The following KCNC2 variants were observed in gnomAD, a reference collection of about 807,000 sequenced individuals.
KCNC2 encodes potassium voltage-gated channel subfamily C member 2.
In KCNC2, 21 loss-of-function variants were observed where a neutral mutation model predicts 44.5. That is an observed-to-expected ratio of 0.47 (90% confidence interval 0.33 to 0.68). The LOEUF (loss-of-function observed/expected upper bound fraction) is 0.68. KCNC2 is among the 30% of genes least tolerant of loss of function. KCNC2 has a pLI of 0.01. For missense variants in KCNC2, 589 were observed against 826.2 expected (o/e 0.71, Z 3.52); for synonymous variants, 391 against 339.1 (o/e 1.15, Z -1.68).
chr12:75,053,740 C>T (rs1881437096), intron 2 of KCNC2, among the ~76,000 whole-genome samples: 1 of 146,400 alleles, frequency 6.8e-6, no homozygotes, highest in Non-Finnish European at 1.5e-5. Context: ...TAATATTTTG[C>T]TATAATATAT....
At chr12:75,062,173 G>A (rs954248209) in intron 2 of KCNC2, among the ~76,000 whole-genome samples, 2 of 152,066 alleles carry the variant, frequency 1.3e-5, no homozygotes, top group Non-Finnish European at 2.9e-5. Context: ...GAAGCTTAGA[G>A]ACTGGAGTCA....
chr12:75,050,907 T>C lies in KCNC2; in HGVS notation c.1098A>G (p.Val366=). 1 of 1,613,654 alleles carries C rather than the reference T, an allele frequency of 6.2e-7. No individual in the cohort carries two copies. Among genetic ancestry groups the C allele is most frequent in the Non-Finnish European group, 8.5e-7 (1 of 1,179,866 alleles). The change falls in exon 3 of 5, where the codon GTA becomes GTG. Residue 366 remains valine, a synonymous_variant. Coordinates refer to ENST00000549446, the MANE Select transcript of KCNC2 (RefSeq NM_139137.4). The part of the protein sequence containing the change: ...LRIFKLTRHF[V]GLRVLGHTLR... ...GAGTATGTCCAAGCACCCTCAGACC[T>C]ACAAAATGGCGGGTGAGCTTGAAAA...
chr12:75,080,856 C>T (rs1468519032), intron 2 of KCNC2, among the ~76,000 whole-genome samples: 3 of 151,870 alleles, frequency 2.0e-5, no homozygotes, highest in African/African-American at 2.4e-5. Flanking sequence ...GATAGTCATT[C>T]GAGTTTTTAT....
At chr12:75,086,939 T>A (rs1885081156) in intron 2 of KCNC2, among the ~76,000 whole-genome samples, 1 of 151,984 alleles carries the variant, frequency 6.6e-6, no homozygotes, top group Non-Finnish European at 1.5e-5. Flanking sequence ...TTGACTCACT[T>A]CATTTTATTC....
intron 2 of KCNC2, among the ~76,000 whole-genome samples, chr12:75,189,940 C>A (rs1430693993): frequency 3.3e-5 from 5 of 152,092 alleles, no homozygotes; most frequent in Non-Finnish European, 7.4e-5. Context: ...CACCTCTCGC[C>A]AATACAAAAA....
chr12:75,070,333 C>T (rs573019504), intron 2 of KCNC2, among the ~76,000 whole-genome samples: 1 of 151,102 alleles, frequency 6.6e-6, no homozygotes, highest in Non-Finnish European at 1.5e-5. Flanking sequence ...TGTCTGTAAT[C>T]CCAGCTACTG....
intron 2 of KCNC2, among the ~76,000 whole-genome samples, chr12:75,115,012 C>T (rs996038535): frequency 1.2e-4 from 18 of 151,786 alleles, no homozygotes; most frequent in Non-Finnish European, 1.9e-4. Context: ...TACAGGCGCC[C>T]GCCACCACGC....
At chr12:75,058,143 T>C (rs1049439819) in intron 2 of KCNC2, among the ~76,000 whole-genome samples, 10 of 152,162 alleles carry the variant, frequency 6.6e-5, no homozygotes, top group African/African-American at 2.4e-4. Flanking sequence ...AGTATCATGA[T>C]GAAATTTAAA....
rs538490109 is a variant in KCNC2 at position 75,093,053 on chromosome 12, C to T, written c.688-41736G>A. Among the ~76,000 whole-genome samples the T allele has an allele frequency of 2.7e-5, 4 of 146,234 alleles. No homozygotes were observed. In the East Asian group the frequency reaches 8.0e-4, roughly 29 times the overall value. ...TAATCGTTCGAGTAGCTATCTGTTT[C>T]TTCTATATCTAAAACCTTCCAAGGA... On this transcript the variant is annotated intron_variant, in intron 2 of 4. Transcript: ENST00000549446.
intron 2 of KCNC2, among the ~76,000 whole-genome samples, chr12:75,206,338 G>T (rs79340238): frequency 0.011 from 1,722 of 152,034 alleles, 38 homozygotes; most frequent in African/African-American, 0.038. Flanking sequence ...TATAATTTTT[G>T]GTTATTTATA....
intron 2 of KCNC2, among the ~76,000 whole-genome samples, chr12:75,170,497 G>A (rs1421755376): frequency 1.3e-5 from 2 of 151,684 alleles, no homozygotes; most frequent in African/African-American, 2.4e-5. Context: ...ATTTACAGAT[G>A]AAAAACCTGA....
intron 2 of KCNC2, among the ~76,000 whole-genome samples, chr12:75,181,645 A>G (rs919781711): frequency 6.6e-6 from 1 of 152,178 alleles, no homozygotes; most frequent in African/African-American, 2.4e-5. Context: ...TATAATGTCC[A>G]AAATTGCCGA....
rs767321096 is a variant in KCNC2 at position 75,207,489 on chromosome 12, C to A, written c.495G>T (p.Ala165=). 1.2e-6 allele frequency: 2 copies of A among 1,612,620 alleles called. No individual in the cohort carries two copies. The highest frequency in any genetic ancestry group is 2.2e-5 in the South Asian group (2 of 90,994). Residue 165 remains alanine, a synonymous_variant, in exon 2 of 5, where the codon GCG becomes GCT. Coordinates refer to ENST00000549446, the MANE Select transcript of KCNC2 (RefSeq NM_139137.4). The surrounding 1 kb of genome is among the most constrained non-coding windows in gnomAD (Gnocchi z 4.1). ...TYRQHRDAEE[A]LDIFETPDLI... ...GGTCGGGGGTCTCGAAGATGTCCAG[C>A]GCCTCCTCGGCGTCGCGGTGCTGCC...
intron 2 of KCNC2, among the ~76,000 whole-genome samples, chr12:75,189,577 GTAAT>G (rs1225307954): frequency 2.6e-5 from 4 of 152,196 alleles, no homozygotes; most frequent in Non-Finnish European, 5.9e-5. Context: ...CTAGGCATCA[GTAAT>G]TAATTAAACT....
At position 75,042,101 on chromosome 12, in the gene KCNC2, C is replaced by T. The variant is rs1298746905; in HGVS notation, c.*1004G>A. The T allele has an allele frequency of 1.5e-5, 19 of 1,235,620 alleles. No homozygotes were observed. In the Admixed American group the frequency reaches 7.3e-4, roughly 48 times the overall value. 76.5% of individuals were successfully genotyped at this position (1,235,620 alleles called of 1,614,324 possible). A position where few individuals can be genotyped will look rare whatever the true frequency, so the allele number is the denominator to read the frequency against. ...ACACCAGTGACATTTGATGTTTGCA[C>T]AAAAAATTAATAAATAAAAATAAAA... is the stretch of plus-strand genomic sequence containing the variant. On this transcript the variant is annotated 3_prime_UTR_variant, in exon 5 of 5. Transcript: ENST00000549446.
In KCNC2 at chr12:75,042,340, C is replaced by T. The variant is rs755983385; in HGVS notation, c.*765G>A. The T allele has an allele frequency of 2.2e-5, 35 of 1,611,768 alleles. No individual in the cohort carries two copies. The highest frequency in any genetic ancestry group is 8.8e-5 in the South Asian group (8 of 91,014). The stretch of plus-strand genomic sequence containing the variant: ...AAGTAAGAGATCTGGCCTCGGCTTG[C>T]GTGTAACCAGTAATGACAACCTCTT... On this transcript the variant is annotated 3_prime_UTR_variant, in exon 5 of 5. Transcript: ENST00000549446.
chr12:75,188,296 T>C (rs1046242739), intron 2 of KCNC2, among the ~76,000 whole-genome samples: 5 of 152,186 alleles, frequency 3.3e-5, no homozygotes, highest in African/African-American at 1.2e-4. Context: ...TGTATAGGAC[T>C]AATGCTAAAA....
chr12:75,174,027 A>G (rs1235413451), intron 2 of KCNC2, among the ~76,000 whole-genome samples: 1 of 151,754 alleles, frequency 6.6e-6, no homozygotes, highest in Non-Finnish European at 1.5e-5. Context: ...TTTCATATTT[A>G]GTATAATACT....
intron 2 of KCNC2, among the ~76,000 whole-genome samples, chr12:75,164,662 A>G (rs1891329798): frequency 6.6e-6 from 1 of 151,644 alleles, no homozygotes; most frequent in East Asian, 1.9e-4. Flanking sequence ...TCTCTGGATA[A>G]GTAAATTCCA....
Sources: allele counts gnomAD v4.1 joint callset (sites outside exome capture counted in the v4.1 genomes callset), GRCh38; gene constraint gnomAD v4.1.1; non-coding constraint Gnocchi (gnomAD v3.1); transcripts MANE v1.5; gene names NCBI Gene and HGNC (gene_info 2026-07-23, HGNC 2026-07-21).